RGS22: variants seen among roughly 807,000 people sequenced by gnomAD.
The protein encoded by RGS22 is regulator of G protein signaling 22.
Under a neutral mutation model 172.9 loss-of-function variants are expected in RGS22, and 148 were observed. That is an observed-to-expected ratio of 0.86 (90% CI 0.75 to 0.98). The LOEUF is 0.98. Ranked by LOEUF, RGS22 falls within the 50% of genes least tolerant of loss-of-function variation. The pLI is 0.00. For missense variants in RGS22, 1,347 were observed against 1,440.8 expected, an observed-to-expected ratio of 0.93 and a Z score of 1.05; for synonymous variants, 458 against 480.2, an observed-to-expected ratio of 0.95 and a Z score of 0.60.
intron 2 of RGS22, among the ~76,000 whole-genome samples, chr8:100,098,341 G>A (rs952022868): frequency 8.6e-5 from 13 of 152,036 alleles, no homozygotes; most frequent in African/African-American, 1.9e-4. Context: ...AGACTCTAAC[G>A]AATAATACTA....
intron 14 of RGS22, among the ~76,000 whole-genome samples, chr8:100,028,184 C>G (rs893755753): frequency 3.3e-5 from 5 of 152,098 alleles, no homozygotes; most frequent in African/African-American, 1.2e-4. Context: ...CCATTGTCAG[C>G]TCATGCTTAT....
intron 18 of RGS22, among the ~76,000 whole-genome samples, chr8:100,000,644 T>C (rs965511540): frequency 2.0e-5 from 3 of 152,182 alleles, no homozygotes; most frequent in Admixed American, 6.6e-5. Context: ...CTATGGAGGA[T>C]TCACACAGTA....
chr8:99,990,382 C>T (rs185537957), intron 20 of RGS22, among the ~76,000 whole-genome samples: 1 of 152,314 alleles, frequency 6.6e-6, no homozygotes, highest in Non-Finnish European at 1.5e-5. Context: ...CATTTCTTCC[C>T]CCTGCCTTTT....
intron 3 of RGS22, among the ~76,000 whole-genome samples, chr8:100,081,732 C>T (rs990471582): frequency 1.2e-4 from 18 of 152,104 alleles, no homozygotes; most frequent in Middle Eastern, 6.8e-3. Context: ...CTGCTGATAT[C>T]GCAGATTAGA....
chr8:99,991,451 C>T (rs956781376), intron 20 of RGS22, among the ~76,000 whole-genome samples: 4 of 152,102 alleles, frequency 2.6e-5, no homozygotes, highest in Admixed American at 6.6e-5. Context: ...AACCATGGCA[C>T]GAGAACTTCG....
intron 18 of RGS22, 110 bp from the exon 19 acceptor site, chr8:99,999,530 C>CAG: frequency 1.1e-5 from 12 of 1,092,152 alleles, no homozygotes; most frequent in South Asian, 1.6e-5. Flanking sequence ...CTGAGGGGTG[C>CAG]CAATTTTCAT....
chr8:99,989,300 C>T (rs560971822), intron 20 of RGS22, among the ~76,000 whole-genome samples: 25 of 152,208 alleles, frequency 1.6e-4, no homozygotes, highest in East Asian at 9.7e-4. Context: ...AGGAAGACTA[C>T]GTTTATCATG....
chr8:100,015,046 T>C (rs555144399), intron 14 of RGS22, among the ~76,000 whole-genome samples: 6 of 152,318 alleles, frequency 3.9e-5, no homozygotes, highest in African/African-American at 1.4e-4. Flanking sequence ...AATGAGTGGA[T>C]GAATGGAAGA....
chr8:99,999,150 C>T, intron 19 of RGS22, 112 bp downstream of exon 19: 1 of 883,256 alleles, frequency 1.1e-6, no homozygotes, highest in Non-Finnish European at 1.7e-6. Flanking sequence ...CAGAGAGAGC[C>T]CATTCCTTAA....
chr8:100,073,361 C>T (rs62532694), intron 4 of RGS22, among the ~76,000 whole-genome samples: 2,196 of 151,334 alleles, frequency 0.015, 29 homozygotes, highest in Non-Finnish European at 0.021. Context: ...TGCTGATACG[C>T]GCAGAAGTCT....
chr8:99,965,501 G>C, intron 23 of RGS22, 71 bp from the exon 24 acceptor site: 1 of 1,108,288 alleles, frequency 9.0e-7, no homozygotes, highest in East Asian at 2.6e-5. Context: ...TATGGCTAAG[G>C]AGTTATAACA....
chr8:100,009,424 CAAAAAA>C (rs1238317237), intron 14 of RGS22, among the ~76,000 whole-genome samples: 1 of 45,678 alleles, frequency 2.2e-5, no homozygotes, highest in East Asian at 5.5e-4. Context: ...GACTCCACCT[CAAAAAA>C]AAAAAAAAAA....
intron 7 of RGS22, among the ~76,000 whole-genome samples, chr8:100,064,568 T>C (rs779585352): frequency 1.7e-4 from 26 of 152,206 alleles, no homozygotes; most frequent in Non-Finnish European, 3.2e-4. Flanking sequence ...TTGTCTTCCC[T>C]GGATTTGGAG....
At chr8:100,005,886 C>A in intron 16 of RGS22, 131 bp downstream of exon 16, 1 of 589,230 alleles carries the variant, frequency 1.7e-6, no homozygotes, top group East Asian at 2.9e-5. Flanking sequence ...GCATGCTAGG[C>A]AAAGGAACAG....
At chr8:100,089,712 G>C (rs1245233269) in intron 3 of RGS22, among the ~76,000 whole-genome samples, 1 of 152,060 alleles carries the variant, frequency 6.6e-6, no homozygotes. Context: ...TATTTTTCTT[G>C]ATCTTGACTA....
At chr8:99,985,545 T>G (rs1404676419) in intron 21 of RGS22, among the ~76,000 whole-genome samples, 1 of 152,224 alleles carries the variant, frequency 6.6e-6, no homozygotes, top group African/African-American at 2.4e-5. Context: ...ATATTTGTTC[T>G]CATGGATGTC....
intron 23 of RGS22, among the ~76,000 whole-genome samples, chr8:99,976,080 C>T (rs990660478): frequency 6.6e-6 from 1 of 151,976 alleles, no homozygotes; most frequent in Non-Finnish European, 1.5e-5. Flanking sequence ...GTCCCAGCTA[C>T]TCAGGAGGCT....
chr8:100,007,544 A>C (rs116276937), intron 15 of RGS22, among the ~76,000 whole-genome samples: 1 of 152,150 alleles, frequency 6.6e-6, no homozygotes, highest in Non-Finnish European at 1.5e-5. Flanking sequence ...TCCACAATAC[A>C]TATGAAACGT....
At chr8:100,062,819 GTTGAATA>G in intron 8 of RGS22, 67 bp from the exon 9 acceptor site, 9 of 1,264,920 alleles carry the variant, frequency 7.1e-6, no homozygotes, top group Non-Finnish European at 1.0e-5. Flanking sequence ...CCAAAATGTA[GTTGAATA>G]TTCAGGAGAA....
Sources: gnomAD v4.1 joint callset for allele counts (sites outside exome capture counted in the v4.1 genomes callset) on GRCh38, gnomAD v4.1.1 for gene constraint, MANE v1.5 for transcripts, NCBI Gene and HGNC (gene_info 2026-07-23, HGNC 2026-07-21) for gene names.